Variants in ARHGAP21 observed in about 807,000 individuals in gnomAD.
The protein encoded by ARHGAP21 is rho GTPase-activating protein 21.
In ARHGAP21, 38 loss-of-function variants were observed where a neutral mutation model predicts 164.6. That is an observed-to-expected ratio of 0.23 (90% CI 0.18 to 0.30). The LOEUF (loss-of-function observed/expected upper bound fraction) is 0.30. ARHGAP21 is among the 10% of genes least tolerant of loss of function. The pLI is 1.00. For synonymous variants in ARHGAP21, 766 were observed against 857.9 expected, an observed-to-expected ratio of 0.89 and a Z score of 1.87; for missense variants, 1,822 against 2,370.7, an observed-to-expected ratio of 0.77 and a Z score of 4.81.
Position 24,645,499 on chromosome 10 carries a change from G to A in ARHGAP21, c.269-10396C>T, listed in dbSNP as rs150827913. 1.1e-4 allele frequency among the ~76,000 whole-genome samples: 17 copies of A among 151,604 alleles called. No individual in the cohort carries two copies. The East Asian group carries it at 2.9e-3, about 26-fold the overall frequency. On this transcript the variant is annotated intron_variant, in intron 4 of 25. Coordinates refer to ENST00000396432, the MANE Select transcript of ARHGAP21 (RefSeq NM_020824.4). The stretch of plus-strand genomic sequence containing the variant: ...CTAGGGAGGCTAAGGCAGGATAATC[G>A]CTTGAACCCAGAAAGCATAGGATCC...
At chr10:24,710,152 A>G (rs1219705357) in intron 2 of ARHGAP21, among the ~76,000 whole-genome samples, 3 of 152,192 alleles carry the variant, frequency 2.0e-5, no homozygotes, top group Non-Finnish European at 4.4e-5. Flanking sequence ...CTGGTCTTGT[A>G]GCTGAATAAG....
chr10:24,677,632 G>A (rs1841386688), intron 2 of ARHGAP21, among the ~76,000 whole-genome samples: 1 of 152,176 alleles, frequency 6.6e-6, no homozygotes, highest in African/African-American at 2.4e-5. Flanking sequence ...CCAAGCGACT[G>A]CAAAAGCAAG....
At chr10:24,660,761 T>C (rs893925116) in intron 4 of ARHGAP21, among the ~76,000 whole-genome samples, 3 of 152,240 alleles carry the variant, frequency 2.0e-5, no homozygotes, top group Non-Finnish European at 2.9e-5. Flanking sequence ...CTGCATTAAA[T>C]AGCCTAAAAT....
chr10:24,616,133 A>T (rs1470833356), intron 9 of ARHGAP21, among the ~76,000 whole-genome samples: 3 of 152,158 alleles, frequency 2.0e-5, no homozygotes, highest in Non-Finnish European at 2.9e-5. Flanking sequence ...GGAAGCAAAA[A>T]TCTCTAAGCT....
At chr10:24,602,922 CAAG>C (rs2076873639) in intron 12 of ARHGAP21, among the ~76,000 whole-genome samples, 3 of 152,108 alleles carry the variant, frequency 2.0e-5, no homozygotes, top group African/African-American at 4.8e-5. Context: ...TTGGCTTCAT[CAAG>C]AAGGTGAATG....
chr10:24,635,122 A>C lies in ARHGAP21; in HGVS notation c.269-19T>G. The stretch of plus-strand genomic sequence containing the variant: ...TGTTTTCCTGTTACAGAGAAGCCCA[A>C]AGCATGATTTTACTTCACAATACTT... On this transcript the variant is annotated intron_variant, in intron 4 of 25. Coordinates refer to ENST00000396432, the MANE Select transcript of ARHGAP21 (RefSeq NM_020824.4). 1 of 1,528,314 alleles carries C rather than the reference A, an allele frequency of 6.5e-7. No individual in the cohort carries two copies. Among genetic ancestry groups the C allele is most frequent in the Non-Finnish European group, 8.9e-7 (1 of 1,124,458 alleles). The allele number at this position is 1,528,314 out of a possible 1,614,324, so 94.7% of individuals were successfully genotyped here.
chr10:24,592,099 A>T, intron 21 of ARHGAP21, 87 bp from the exon 22 acceptor site: 5 of 1,249,498 alleles, frequency 4.0e-6, no homozygotes, highest in Non-Finnish European at 5.4e-6. Flanking sequence ...TTGATGAAAA[A>T]GAATAAACAG....
intron 4 of ARHGAP21, 105 bp downstream of exon 4, chr10:24,666,880 T>C (rs1173766490): frequency 3.8e-6 from 3 of 797,280 alleles, no homozygotes; most frequent in African/African-American, 1.8e-5. Context: ...AACTATTATA[T>C]ATTTGAACAC....
chr10:24,675,911 G>A (rs961314056), intron 2 of ARHGAP21, among the ~76,000 whole-genome samples: 1 of 152,192 alleles, frequency 6.6e-6, no homozygotes, highest in East Asian at 1.9e-4. Flanking sequence ...ACTTTGGGAG[G>A]CTGAGGCAGG....
At chr10:24,723,361 C>A (rs1846121843) in intron 1 of ARHGAP21, 1 of 149,380 alleles carries the variant, frequency 6.7e-6, no homozygotes, top group South Asian at 2.1e-4. Flanking sequence ...TCCGCCCCGC[C>A]GCCCGCCCTT....
chr10:24,605,294 A>C (rs757741476), intron 11 of ARHGAP21, among the ~76,000 whole-genome samples: 1 of 152,224 alleles, frequency 6.6e-6, no homozygotes, highest in Non-Finnish European at 1.5e-5. Context: ...AACAATGGAA[A>C]ATAGTGTGCT....
intron 21 of ARHGAP21, among the ~76,000 whole-genome samples, chr10:24,593,874 C>G: frequency 6.6e-6 from 1 of 151,900 alleles, no homozygotes; most frequent in Non-Finnish European, 1.5e-5. Flanking sequence ...CTTCCTTTCT[C>G]TCTTTTTTTT....
chr10:24,708,043 TA>T (rs1055990520), intron 2 of ARHGAP21, among the ~76,000 whole-genome samples: 1 of 152,062 alleles, frequency 6.6e-6, no homozygotes, highest in South Asian at 2.1e-4. Context: ...TACAGTTAAG[TA>T]AAAAAAAGTC....
Position 24,595,708 on chromosome 10 carries a change from T to G in ARHGAP21, c.3712+9A>C. ...TTTCATCTGGTATCTTTCACGGGAG[T>G]TAACTCACCATTTGTGAAGAGAGGC... On this transcript the variant is annotated intron_variant, in intron 19 of 25. Coordinates refer to ENST00000396432, the MANE Select transcript of ARHGAP21 (RefSeq NM_020824.4). The G allele has an allele frequency of 6.2e-7, 1 of 1,607,766 alleles. No homozygotes were observed. Among genetic ancestry groups the G allele is most frequent in the Non-Finnish European group, 8.5e-7 (1 of 1,175,492 alleles).
chr10:24,662,036 C>T (rs1839749816), intron 4 of ARHGAP21, among the ~76,000 whole-genome samples: 1 of 152,154 alleles, frequency 6.6e-6, no homozygotes, highest in Non-Finnish European at 1.5e-5. Context: ...AGCACTAGGA[C>T]TCCATAACCT....
At chr10:24,673,045 A>G (rs890025889) in intron 2 of ARHGAP21, among the ~76,000 whole-genome samples, 1 of 152,232 alleles carries the variant, frequency 6.6e-6, no homozygotes, top group African/African-American at 2.4e-5. Flanking sequence ...ATTAAGAGAT[A>G]TTAAAGAATA....
chr10:24,666,932 A>T, intron 4 of ARHGAP21, 53 bp downstream of exon 4: 2 of 1,312,052 alleles, frequency 1.5e-6, no homozygotes, highest in Non-Finnish European at 2.1e-6. Context: ...TAAAGAACAG[A>T]AAGAAATGGG....
At chr10:24,615,058 T>C (rs7477503) in intron 9 of ARHGAP21, among the ~76,000 whole-genome samples, 139,466 of 151,690 alleles carry the variant, frequency 0.92, 64,240 homozygotes, top group East Asian at 1. Context: ...GGCATGGTGG[T>C]GCACACCTGT....
At chr10:24,629,831 G>C in intron 7 of ARHGAP21, 165 bp downstream of exon 7, 1 of 684,168 alleles carries the variant, frequency 1.5e-6, no homozygotes, top group Non-Finnish European at 2.7e-6. Flanking sequence ...CTTGGCAATG[G>C]TATTTTTGTA....
Sources: allele counts gnomAD v4.1 joint callset (sites outside exome capture counted in the v4.1 genomes callset), GRCh38; gene constraint gnomAD v4.1.1; transcripts MANE v1.5; gene names NCBI Gene and HGNC (gene_info 2026-07-23, HGNC 2026-07-21).